PPP2R3B: variants seen among roughly 807,000 people sequenced by gnomAD.
PPP2R3B encodes the protein protein phosphatase 2 regulatory subunit B''beta.
Under a neutral mutation model 72.9 loss-of-function variants are expected in PPP2R3B, and 68 were observed. That is an observed-to-expected ratio of 0.93 (90% CI 0.77 to 1.14). The LOEUF is 1.14. PPP2R3B is among the 50% of genes most tolerant of loss of function. The pLI, the probability that PPP2R3B is intolerant of heterozygous loss-of-function variation, is 0.00. For synonymous variants in PPP2R3B, 466 were observed against 375.8 expected (o/e 1.24, Z -2.78); for missense variants, 1,018 against 842.0 (o/e 1.21, Z -2.59).
At chrX:341,578 T>C (rs1042790351) in intron 8 of PPP2R3B, 182 bp from the exon 9 acceptor site, 40 of 691,462 alleles carry the variant, frequency 5.8e-5, no homozygotes, top group Middle Eastern at 3.9e-4. Context: ...GCCAGAGGGT[T>C]TTCCCCAGAT....
At chrX:376,428 G>GACGGGGCTATCCACTACCGTGT (rs1569416348) in intron 1 of PPP2R3B, among the ~76,000 whole-genome samples, 1 of 146,486 alleles carries the variant, frequency 6.8e-6, no homozygotes, top group African/African-American at 2.7e-5. Flanking sequence ...GTCCACACTC[G>GACGGGGCTATCCACTACCGTGT]ACAGAGCCCC....
chrX:337,840 T>TCGGACACC (rs1277209725), intron 12 of PPP2R3B: 2 of 152,636 alleles, frequency 1.3e-5, no homozygotes, highest in East Asian at 3.9e-4. Flanking sequence ...GCTGGGACAG[T>TCGGACACC]CGGACACCCG....
chrX:366,804 A>G lies in PPP2R3B; in HGVS notation c.325-5214T>C, dbSNP rs113576985. On this transcript the variant is annotated intron_variant, in intron 1 of 12. Transcript: ENST00000390665. ...CTTCAACACAGGAGGCAGAGGTTGC[A>G]GTGAGCTGAGATCGCACTACTGCAC... Among the ~76,000 whole-genome samples, 672 of 99,824 alleles carry G rather than the reference A, an allele frequency of 6.7e-3. 25 individuals are homozygous for G. The highest frequency in any genetic ancestry group is 0.017 in the Middle Eastern group (3 of 172). The allele number at this position is 99,824 out of a possible 152,430, so 65.5% of individuals were successfully genotyped here.
chrX:341,080 G>C (rs1482734943), intron 9 of PPP2R3B, 140 bp from the exon 10 acceptor site: 2 of 1,215,364 alleles, frequency 1.6e-6, no homozygotes, highest in African/African-American at 3.3e-5. Context: ...GGCATCCCCT[G>C]CCCCCTGCCG....
chrX:347,768 G>A, intron 2 of PPP2R3B, 75 bp from the exon 3 acceptor site: 1 of 1,109,134 alleles, frequency 9.0e-7, no homozygotes, highest in Non-Finnish European at 1.3e-6. Context: ...CCTCGCGCCT[G>A]ACCGACGCCG....
chrX:362,621 G>A (rs183761189), intron 1 of PPP2R3B, among the ~76,000 whole-genome samples: 4,043 of 152,030 alleles, frequency 0.027, 189 homozygotes, highest in African/African-American at 0.092. Context: ...CTCAGGGGAC[G>A]GGGCTGTGTC....
intron 2 of PPP2R3B, among the ~76,000 whole-genome samples, chrX:352,559 C>T (rs1464388342): frequency 5.3e-5 from 8 of 152,004 alleles, no homozygotes; most frequent in African/African-American, 1.2e-4. Flanking sequence ...CTGTGTGGAT[C>T]GTCTGCCTGT....
chrX:382,201 T>C (rs987493897), intron 1 of PPP2R3B, among the ~76,000 whole-genome samples: 3 of 149,662 alleles, frequency 2.0e-5, no homozygotes, highest in Non-Finnish European at 3.0e-5. Context: ...TTTTTCTTTT[T>C]TTTTTTTTTT....
chrX:345,175 G>A, intron 7 of PPP2R3B: 2 of 556,682 alleles, frequency 3.6e-6, no homozygotes, highest in Non-Finnish European at 6.8e-6. Flanking sequence ...GCTCCTGAGG[G>A]AAGGCGTGTG....
At position 347,248 on chromosome X, in the gene PPP2R3B, C is replaced by G. The variant is rs774503027; in HGVS notation, c.703G>C (p.Val235Leu). The G allele has an allele frequency of 6.2e-7, 1 of 1,613,634 alleles. No homozygotes were observed. The highest frequency in any genetic ancestry group is 1.3e-5 in the African/African-American group (1 of 75,002). ...CAGGCTCTCACCTGCAAGAAGGGGA[C>G]AAAGTCCTCCTGCACCAGGTAGTTG... is the stretch of plus-strand genomic sequence containing the variant. ...GCNYLVQEDF[V>L]PFLQDVVNTH... is the part of the protein sequence containing the mutation. The change falls in exon 4 of 13, where the codon GTC becomes CTC. Residue 235 changes from valine (V) to leucine (L), a missense_variant. Physicochemically the swap from Val to Leu is conservative, Grantham distance 32 (BLOSUM62 1). Transcript: ENST00000390665.
At position 380,524 on chromosome X, in the gene PPP2R3B, GTC is replaced by G. The variant is rs777226599; in HGVS notation, c.324+5842_324+5843del. On this transcript the variant is annotated intron_variant, in intron 1 of 12. Coordinates refer to ENST00000390665, the MANE Select transcript of PPP2R3B (RefSeq NM_013239.5). ...GTACTGGCCGGGTGTGGTTGCCCTC[GTC>G]TGTCATCCCAGCACTCTGGGAGGCT... Among the ~76,000 whole-genome samples the G allele has an allele frequency of 2.1e-3, 320 of 152,216 alleles. 1 individual carries two copies. Among genetic ancestry groups the G allele is most frequent in the African/African-American group, 7.1e-3 (293 of 41,538 alleles).
At chrX:341,483 A>G (rs2124594184) in intron 8 of PPP2R3B, 87 bp from the exon 9 acceptor site, 1 of 1,398,514 alleles carries the variant, frequency 7.2e-7, no homozygotes, top group Non-Finnish European at 1.0e-6. Context: ...CGCCTCGGTG[A>G]GGGGAGCCCC....
chrX:360,665 G>GGGCTCTGA (rs2071520175), intron 2 of PPP2R3B, among the ~76,000 whole-genome samples: 1 of 152,190 alleles, frequency 6.6e-6, no homozygotes, highest in African/African-American at 2.4e-5. Flanking sequence ...CGAGGCTCTG[G>GGGCTCTGA]GGCTCTGACT....
chrX:364,553 AAG>A (rs1271037271), intron 1 of PPP2R3B, among the ~76,000 whole-genome samples: 4 of 151,942 alleles, frequency 2.6e-5, no homozygotes, highest in African/African-American at 7.2e-5. Context: ...AAAAAACAAA[AAG>A]AGTATAAAAA....
Position 338,881 on chromosome X carries a change from T to C in PPP2R3B, c.1367A>G (p.Gln456Arg). The C allele has an allele frequency of 6.2e-7, 1 of 1,612,396 alleles. No homozygotes were observed. Among genetic ancestry groups the C allele is most frequent in the Non-Finnish European group, 8.5e-7 (1 of 1,179,668 alleles). Reference sequence around the variant, plus strand: ...AGCCAGCTTGCAGCGCTTCAGGTCCTGCAGCGTGATCTTCCCTGCGGGGAG... The same window carrying C: ...AGCCAGCTTGCAGCGCTTCAGGTCCCGCAGCGTGATCTTCCCTGCGGGGAG... ...KPRTEGKITLQDLKRCKLANV... is the reference protein window; with the variant it reads ...KPRTEGKITLRDLKRCKLANV... Residue 456 changes from glutamine to arginine, a missense_variant, in exon 11 of 13, where the codon CAG becomes CGG. By Grantham distance (43) the Gln-to-Arg change is conservative (BLOSUM62 1). Coordinates refer to ENST00000390665, the MANE Select transcript of PPP2R3B (RefSeq NM_013239.5).
intron 7 of PPP2R3B, among the ~76,000 whole-genome samples, chrX:342,759 T>TGAGACCTCGCCAACGGGAGGCGGGAGG (rs2071110853): frequency 2.6e-4 from 3 of 11,666 alleles, no homozygotes; most frequent in Admixed American, 6.5e-4. Context: ...GAGGCGGGAG[T>TGAGACCTCGCCAACGGGAGGCGGGAGG]GAGACCTCGC....
At chrX:346,035 C>CAGTGGA (rs2071198407) in intron 6 of PPP2R3B, 139 bp downstream of exon 6, 1 of 515,168 alleles carries the variant, frequency 1.9e-6, no homozygotes, top group African/African-American at 3.3e-5. Flanking sequence ...GCTGGGAGCG[C>CAGTGGA]GGTGGAGGTG....
chrX:359,164 G>A (rs1407004444), intron 2 of PPP2R3B, among the ~76,000 whole-genome samples: 4 of 152,254 alleles, frequency 2.6e-5, no homozygotes, highest in East Asian at 1.9e-4. Context: ...GGGGCCGGGC[G>A]CACTCCGCGA....
At chrX:371,393 G>A (rs760428049) in intron 1 of PPP2R3B, among the ~76,000 whole-genome samples, 1 of 152,244 alleles carries the variant, frequency 6.6e-6, no homozygotes, top group African/African-American at 2.4e-5. Context: ...CCCACCCCCC[G>A]AGTTTGGTTT....
Sources: gnomAD v4.1 joint callset for allele counts (sites outside exome capture counted in the v4.1 genomes callset) on GRCh38, gnomAD v4.1.1 for gene constraint, MANE v1.5 for transcripts, NCBI Gene and HGNC (gene_info 2026-07-23, HGNC 2026-07-21) for gene names.